Variants in KCNH7 observed in about 807,000 individuals in gnomAD.
KCNH7 encodes the protein potassium voltage-gated channel subfamily H member 7, also known as voltage-gated inwardly rectifying potassium channel KCNH7.
A neutral mutation model predicts 120.8 loss-of-function variants in KCNH7; 49 were observed. The observed-to-expected ratio is 0.41, with a 90% CI of 0.32 to 0.51. The LOEUF is 0.51. Among genes scored for constraint, KCNH7 ranks in the 20% least tolerant of loss-of-function variants. The pLI is 0.38. For synonymous variants in KCNH7, 547 were observed against 516.1 expected (o/e 1.06, Z -0.81); for missense variants, 1,097 against 1,446.6 (o/e 0.76, Z 3.92).
At chr2:162,430,343 C>G (rs1688022726) in intron 8 of KCNH7, among the ~76,000 whole-genome samples, 1 of 152,020 alleles carries the variant, frequency 6.6e-6, no homozygotes, top group Non-Finnish European at 1.5e-5. Context: ...GCATTTGTGA[C>G]TTAGTATTCA....
intron 3 of KCNH7, among the ~76,000 whole-genome samples, chr2:162,519,739 G>A (rs1304587309): frequency 6.6e-6 from 1 of 151,678 alleles, no homozygotes; most frequent in African/African-American, 2.4e-5. Flanking sequence ...ATTATCCATG[G>A]CTTTACAATT....
chr2:162,566,409 C>T (rs928758695), intron 2 of KCNH7, among the ~76,000 whole-genome samples: 1 of 151,620 alleles, frequency 6.6e-6, no homozygotes, highest in East Asian at 2.0e-4. Context: ...TTATTTATAA[C>T]AATGTTAGAA....
intron 2 of KCNH7, among the ~76,000 whole-genome samples, chr2:162,617,684 C>T (rs1683199158): frequency 6.6e-6 from 1 of 152,076 alleles, no homozygotes; most frequent in Non-Finnish European, 1.5e-5. Flanking sequence ...GAAAAATTGT[C>T]TGGCAACCGA....
rs567596083 is a variant in KCNH7, at chr2:162,678,353, A to AT, written c.308-141274dup. 5.4e-3 allele frequency among the ~76,000 whole-genome samples: 823 copies of AT among 151,588 alleles called. 7 individuals are homozygous for AT. Among genetic ancestry groups the AT allele is most frequent in the African/African-American group, 0.019 (770 of 41,478 alleles). On this transcript the variant is annotated intron_variant, in intron 2 of 15. Coordinates refer to ENST00000332142, the MANE Select transcript of KCNH7 (RefSeq NM_033272.4). Reference sequence around the variant, plus strand: ...GACTTGAGTTTGAAGCATTGATAACATTGCTAAGGAATGATGATATCCCTG... The same window carrying AT: ...GACTTGAGTTTGAAGCATTGATAACATTTGCTAAGGAATGATGATATCCCTG...
intron 9 of KCNH7, among the ~76,000 whole-genome samples, chr2:162,419,992 TGG>T: frequency 6.6e-6 from 1 of 152,194 alleles, no homozygotes; most frequent in Non-Finnish European, 1.5e-5. Flanking sequence ...CTAAAAATGT[TGG>T]AGGTAGAGGG....
intron 6 of KCNH7, among the ~76,000 whole-genome samples, chr2:162,500,598 A>G (rs1360863090): frequency 6.6e-6 from 1 of 151,966 alleles, no homozygotes; most frequent in African/African-American, 2.4e-5. Context: ...CTTTTCATCA[A>G]TGCCTTTTTC....
At chr2:162,811,730 T>C (rs901694694) in intron 2 of KCNH7, among the ~76,000 whole-genome samples, 3 of 152,032 alleles carry the variant, frequency 2.0e-5, no homozygotes, top group African/African-American at 7.2e-5. Context: ...CAATTATCCT[T>C]TGGAGGAATT....
chr2:162,470,720 C>T (rs1046674170), intron 6 of KCNH7, among the ~76,000 whole-genome samples: 12 of 152,176 alleles, frequency 7.9e-5, no homozygotes, highest in African/African-American at 2.2e-4. Context: ...CTTCTCTGCT[C>T]GGCCACCACC....
chr2:162,538,663 C>T (rs1396734875), intron 2 of KCNH7, among the ~76,000 whole-genome samples: 1 of 152,074 alleles, frequency 6.6e-6, no homozygotes, highest in Non-Finnish European at 1.5e-5. Flanking sequence ...TATCCTGCAT[C>T]TTGGCTCCTG....
rs537360661 is a variant in KCNH7, at chr2:162,615,177, G to C, written c.308-78097C>G. Among the ~76,000 whole-genome samples, 4 of 152,188 alleles carry C rather than the reference G, an allele frequency of 2.6e-5. No individual in the cohort carries two copies. In the East Asian group the frequency reaches 5.8e-4, roughly 22 times the overall value. On this transcript the variant is annotated intron_variant, in intron 2 of 15. Transcript: ENST00000332142. Reference sequence around the variant, plus strand: ...CTTGCCCTGAGTACTACCTCTGCACGAAGTGTTTTCTAGGCATCAGTGTGC... The same window carrying C: ...CTTGCCCTGAGTACTACCTCTGCACCAAGTGTTTTCTAGGCATCAGTGTGC...
intron 6 of KCNH7, among the ~76,000 whole-genome samples, chr2:162,481,448 T>C (rs890420240): frequency 1.3e-5 from 2 of 152,166 alleles, no homozygotes; most frequent in African/African-American, 4.8e-5. Context: ...ACAAATGATA[T>C]TTTCTTATCT....
At chr2:162,515,648 C>T (rs907190773) in intron 4 of KCNH7, among the ~76,000 whole-genome samples, 1 of 151,746 alleles carries the variant, frequency 6.6e-6, no homozygotes, top group South Asian at 2.1e-4. Flanking sequence ...TTTATTGTTG[C>T]TGTTTAGCCA....
intron 2 of KCNH7, among the ~76,000 whole-genome samples, chr2:162,587,457 A>AT (rs1341798403): frequency 6.6e-6 from 1 of 152,124 alleles, no homozygotes; most frequent in Non-Finnish European, 1.5e-5. Context: ...TGTTGCAGAA[A>AT]TTGCTGAGAT....
chr2:162,373,866 TC>T (rs1686058684), intron 14 of KCNH7, among the ~76,000 whole-genome samples: 1 of 152,240 alleles, frequency 6.6e-6, no homozygotes. Context: ...ACTATTGCTT[TC>T]CTGTTCATAT....
chr2:162,568,194 G>A (rs577381255), intron 2 of KCNH7, among the ~76,000 whole-genome samples: 1 of 151,922 alleles, frequency 6.6e-6, no homozygotes, highest in Non-Finnish European at 1.5e-5. Flanking sequence ...TCACTATCAC[G>A]AGAACAACAT....
intron 2 of KCNH7, among the ~76,000 whole-genome samples, chr2:162,571,678 G>T: frequency 7.0e-6 from 1 of 143,598 alleles, no homozygotes; most frequent in Non-Finnish European, 1.5e-5. Context: ...AAACAGCATG[G>T]TACTGGTACC....
intron 2 of KCNH7, among the ~76,000 whole-genome samples, chr2:162,704,030 T>C (rs930159527): frequency 2.6e-5 from 4 of 152,176 alleles, no homozygotes; most frequent in African/African-American, 9.7e-5. Flanking sequence ...TTTATAGTAA[T>C]ACTGTGATTT....
intron 2 of KCNH7, among the ~76,000 whole-genome samples, chr2:162,607,220 CAAAAAAA>C (rs34786286): frequency 8.9e-6 from 1 of 111,968 alleles, no homozygotes; most frequent in African/African-American, 3.0e-5. Flanking sequence ...ACTAAAAATA[CAAAAAAA>C]AAAAAAAAAA....
At chr2:162,741,167 CATTATACATATTAATAACATATGTTATTA>C (rs1559110235) in intron 2 of KCNH7, among the ~76,000 whole-genome samples, 6 of 150,834 alleles carry the variant, frequency 4.0e-5, no homozygotes, top group Non-Finnish European at 8.8e-5. Flanking sequence ...GATATGCTAG[CATTATACATATTAATAACATATGTTATTA>C]ATTATACATA....
Sources: allele counts gnomAD v4.1 joint callset (sites outside exome capture counted in the v4.1 genomes callset), GRCh38; gene constraint gnomAD v4.1.1; transcripts MANE v1.5; gene names NCBI Gene and HGNC (gene_info 2026-07-23, HGNC 2026-07-21).